MYO16: variants seen among roughly 807,000 people sequenced by gnomAD.
MYO16 encodes unconventional myosin-XVI.
MYO16 carries 94 observed loss-of-function variants against 205.3 expected under a neutral mutation model. The ratio of observed to expected loss-of-function variants is 0.46; its 90% CI spans 0.39 to 0.54. The LOEUF (loss-of-function observed/expected upper bound fraction) is 0.54. Ranked by LOEUF, MYO16 falls within the 20% of genes least tolerant of loss-of-function variation. The pLI, the probability that MYO16 is intolerant of heterozygous loss-of-function variation, is 0.00. For missense variants in MYO16, 2,315 were observed against 2,387.5 expected (o/e 0.97, Z 0.63); for synonymous variants, 988 against 954.0 (o/e 1.04, Z -0.66).
At chr13:108,903,754 ATTAACT>A (rs952969952) in intron 15 of MYO16, among the ~76,000 whole-genome samples, 7 of 152,146 alleles carry the variant, frequency 4.6e-5, no homozygotes, top group Non-Finnish European at 1.0e-4. Flanking sequence ...GAAAAAACAC[ATTAACT>A]TTAACTACTT....
chr13:108,783,205 A>T lies in MYO16; in HGVS notation c.508-2430A>T, dbSNP rs146522259. ...CCACAGGGTGGAGCTGCCCAAGACC[A>T]TGGAAACCCACATTTTAGATCAGCA... On this transcript the variant is annotated intron_variant, in intron 4 of 34. Transcript: ENST00000457511. Among the ~76,000 whole-genome samples the T allele has an allele frequency of 2.1e-3, 316 of 152,306 alleles. 2 individuals carry two copies. Among genetic ancestry groups the T allele is most frequent in the African/African-American group, 7.4e-3 (307 of 41,580 alleles).
At chr13:108,986,049 A>G (rs1308097304) in intron 20 of MYO16, among the ~76,000 whole-genome samples, 2 of 152,196 alleles carry the variant, frequency 1.3e-5, no homozygotes, top group South Asian at 2.1e-4. Context: ...CTTACATGGC[A>G]GCAGGCAAGA....
chr13:108,657,782 T>G (rs938044801), intron 1 of MYO16, among the ~76,000 whole-genome samples: 1 of 152,202 alleles, frequency 6.6e-6, no homozygotes, highest in African/African-American at 2.4e-5. Context: ...AATAACTGAC[T>G]TTTTTCCTCT....
chr13:109,125,134 C>T lies in MYO16; in HGVS notation c.3558C>T (p.Arg1186=). The change falls in exon 30 of 35, where the codon CGC becomes CGT. Residue 1186 remains arginine, a synonymous_variant. Coordinates refer to ENST00000457511, the MANE Select transcript of MYO16 (RefSeq NM_001198950.3). The surrounding 1 kb of genome is among the most constrained non-coding windows in gnomAD (Gnocchi z 4.0). ...AAGTTATCAGAGGATTTTTAGCACG[C>T]CAGCACCTGCTTCAGAGAATAAGCA... ...CQKVIRGFLA[R]QHLLQRISIR... The T allele has an allele frequency of 6.2e-7, 1 of 1,614,110 alleles. No homozygotes were observed. Among genetic ancestry groups the T allele is most frequent in the Non-Finnish European group, 8.5e-7 (1 of 1,179,992 alleles).
chr13:109,072,553 G>T (rs1424784363), intron 27 of MYO16, among the ~76,000 whole-genome samples: 1 of 149,586 alleles, frequency 6.7e-6, no homozygotes, highest in Non-Finnish European at 1.5e-5. Context: ...ACTCCTAATG[G>T]TTATAAAATC....
rs550315994 is a variant in MYO16, at chr13:108,666,585, A to G, written c.292+436A>G. Among the ~76,000 whole-genome samples the G allele has an allele frequency of 2.2e-3, 329 of 152,202 alleles. 4 individuals carry two copies. Among genetic ancestry groups the G allele is most frequent in the African/African-American group, 7.5e-3 (312 of 41,526 alleles). On this transcript the variant is annotated intron_variant, in intron 2 of 34. Transcript: ENST00000457511. The stretch of plus-strand genomic sequence containing the variant: ...CAGTCCTCCAGTCTCAGCCTCCCAG[A>G]GTGCAGGAATTACAGAGAATTGTTT...
intron 4 of MYO16, among the ~76,000 whole-genome samples, chr13:108,739,943 G>C (rs761641418): frequency 6.6e-6 from 1 of 152,156 alleles, no homozygotes; most frequent in Non-Finnish European, 1.5e-5. Context: ...ACTGAAGCTT[G>C]TGCATTCATC....
the MYO16 span, among the ~76,000 whole-genome samples, chr13:108,568,389 CT>C: frequency 2.6e-5 from 4 of 152,002 alleles, no homozygotes; most frequent in African/African-American, 9.7e-5. Context: ...TATAGCCCTC[CT>C]AGTGAGTGTA....
intron 4 of MYO16, among the ~76,000 whole-genome samples, chr13:108,755,973 T>C (rs1238154648): frequency 6.6e-6 from 1 of 152,212 alleles, no homozygotes; most frequent in African/African-American, 2.4e-5. Context: ...TGTTATATTG[T>C]GGCACAAAAC....
intron 33 of MYO16, among the ~76,000 whole-genome samples, chr13:109,177,546 TC>T (rs1331315592): frequency 1.3e-5 from 2 of 152,040 alleles, no homozygotes; most frequent in African/African-American, 4.8e-5. Context: ...TGAGATGGAG[TC>T]TCACTCTGTC....
chr13:108,550,952 G>T, the MYO16 span, among the ~76,000 whole-genome samples: 1 of 152,152 alleles, frequency 6.6e-6, no homozygotes. Flanking sequence ...TTAAGGTCAG[G>T]AAATCAATAT....
At chr13:108,888,348 G>A (rs377068691) in intron 13 of MYO16, 24 bp from the exon 14 acceptor site, 50 of 1,523,288 alleles carry the variant, frequency 3.3e-5, no homozygotes, top group Non-Finnish European at 4.2e-5. Context: ...TCAAACTTAT[G>A]TTTTTCCTCT....
intron 1 of MYO16, among the ~76,000 whole-genome samples, chr13:108,633,860 C>T (rs1164596946): frequency 1.3e-5 from 2 of 152,192 alleles, no homozygotes; most frequent in East Asian, 1.9e-4. Flanking sequence ...TTCTGCAATG[C>T]ACTAACACAC....
chr13:108,595,814 T>C (rs1878535843), upstream of MYO16, among the ~76,000 whole-genome samples: 1 of 152,010 alleles, frequency 6.6e-6, no homozygotes, highest in African/African-American at 2.4e-5. Context: ...GGTGGCTACT[T>C]TGAGTGGTTT....
chr13:108,580,921 T>G, the MYO16 span, among the ~76,000 whole-genome samples: 1 of 152,204 alleles, frequency 6.6e-6, no homozygotes, highest in Admixed American at 6.5e-5. Flanking sequence ...GAATAGACAG[T>G]CTAAGAATAC....
At chr13:109,074,657 T>C (rs1431052421) in intron 27 of MYO16, among the ~76,000 whole-genome samples, 2 of 152,052 alleles carry the variant, frequency 1.3e-5, no homozygotes, top group Non-Finnish European at 2.9e-5. Context: ...TCAGATCTCA[T>C]GAAAACTCAC....
At chr13:108,688,808 G>A (rs1882782714) in intron 2 of MYO16, among the ~76,000 whole-genome samples, 1 of 152,138 alleles carries the variant, frequency 6.6e-6, no homozygotes, top group African/African-American at 2.4e-5. Context: ...CGTCAATTTT[G>A]GAAGCAGTGA....
At chr13:108,753,380 A>AC (rs1357876953) in intron 4 of MYO16, among the ~76,000 whole-genome samples, 44 of 139,146 alleles carry the variant, frequency 3.2e-4, no homozygotes, top group African/African-American at 1.0e-3. Flanking sequence ...CAAAAAAAAA[A>AC]AAAAAAAAAA....
In MYO16 at chr13:109,140,779, A is replaced by T; in HGVS notation, c.4567A>T (p.Thr1523Ser). Residue 1523 changes from threonine (T) to serine (S), a missense_variant, in exon 32 of 35, where the codon ACC (threonine) becomes TCC (serine). Physicochemically the swap from Thr to Ser is moderately conservative, Grantham distance 58 (BLOSUM62 1). Transcript: ENST00000457511. The surrounding 1 kb of genome is among the most constrained non-coding windows in gnomAD (Gnocchi z 8.0). Reference sequence around the variant, plus strand: ...GCTGGTGTTCCCCCCGACCCCCGTCACCTGCTCCCCCGCCTCCGACGAGTC... The same window carrying T: ...GCTGGTGTTCCCCCCGACCCCCGTCTCCTGCTCCCCCGCCTCCGACGAGTC... ...PLLVFPPTPV[T>S]CSPASDESPL... 1 of 1,554,646 alleles carries T rather than the reference A, an allele frequency of 6.4e-7. No homozygotes were observed. The highest frequency in any genetic ancestry group is 8.7e-7 in the Non-Finnish European group (1 of 1,154,922).
Sources: gnomAD v4.1 joint callset for allele counts (sites outside exome capture counted in the v4.1 genomes callset) on GRCh38, gnomAD v4.1.1 for gene constraint, Gnocchi (gnomAD v3.1) non-coding constraint, MANE v1.5 for transcripts, NCBI Gene and HGNC (gene_info 2026-07-23, HGNC 2026-07-21) for gene names.